Variants in KIRREL3 observed in about 807,000 individuals in gnomAD.
KIRREL3 encodes kin of IRRE-like protein 3.
Under a neutral mutation model 89.7 loss-of-function variants are expected in KIRREL3, and 36 were observed. The observed-to-expected ratio is 0.40, with a 90% confidence interval of 0.31 to 0.53. KIRREL3 has a LOEUF of 0.53. Among genes scored for constraint, KIRREL3 ranks in the 20% least tolerant of loss-of-function variants. The probability of loss-of-function intolerance (pLI) is 0.49; values close to 1 mark genes in which losing one functional copy is unlikely to be tolerated. For synonymous variants in KIRREL3, 445 were observed against 441.4 expected, an observed-to-expected ratio of 1.01 and a Z score of -0.10; for missense variants, 864 against 1,056.6, an observed-to-expected ratio of 0.82 and a Z score of 2.53.
In KIRREL3 at chr11:126,817,476, C is replaced by T. The variant is rs1161989158; in HGVS notation, c.55+182979G>A. Among the ~76,000 whole-genome samples, 1 of 152,132 alleles carries T rather than the reference C, an allele frequency of 6.6e-6. No homozygotes were observed. Among genetic ancestry groups the T allele is most frequent in the African/African-American group, 2.4e-5 (1 of 41,422 alleles). On this transcript the variant is annotated intron_variant, in intron 1 of 16. Coordinates refer to ENST00000525144, the MANE Select transcript of KIRREL3 (RefSeq NM_032531.4). The surrounding 1 kb of genome is among the most constrained non-coding windows in gnomAD (Gnocchi z 5.7). ...GGGATGGTTTAGCAATATCCTCAGG[C>T]TTCTACCTTCCCATTTCTCCCACCA...
In KIRREL3 at chr11:126,807,346, T is replaced by C. The variant is rs1456586991; in HGVS notation, c.55+193109A>G. On this transcript the variant is annotated intron_variant, in intron 1 of 16. Transcript: ENST00000525144. This position sits in a 1 kb window ranked among gnomAD's most constrained non-coding sequence, Gnocchi z 4.3. ...GCACATTTCCATGTGGTGGGAAAGA[T>C]GACAGGAGAAAGGACAAACCTGGGG... Among the ~76,000 whole-genome samples the C allele has an allele frequency of 6.6e-6, 1 of 152,214 alleles. No homozygotes were observed. Among genetic ancestry groups the C allele is most frequent in the African/African-American group, 2.4e-5 (1 of 41,476 alleles).
intron 1 of KIRREL3, among the ~76,000 whole-genome samples, chr11:126,762,063 A>G (rs1221854756): frequency 6.6e-6 from 1 of 152,014 alleles, no homozygotes; most frequent in Non-Finnish European, 1.5e-5. Context: ...ACTGGCTACC[A>G]CCAGTTGCAT....
At position 126,843,212 on chromosome 11, in the gene KIRREL3, C is replaced by G. The variant is rs1049946265; in HGVS notation, c.55+157243G>C. On this transcript the variant is annotated intron_variant, in intron 1 of 16. Transcript: ENST00000525144. The surrounding 1 kb of genome is among the most constrained non-coding windows in gnomAD (Gnocchi z 4.6). ...ATACGGTCTCTGAGCAAGACAAAAA[C>G]AAGAAAAAAACACTAATGGAAAACC... is the stretch of plus-strand genomic sequence containing the variant. 4.6e-5 allele frequency among the ~76,000 whole-genome samples: 7 copies of G among 152,056 alleles called. No homozygotes were observed. Among genetic ancestry groups the G allele is most frequent in the African/African-American group, 1.7e-4 (7 of 41,390 alleles).
Position 126,486,231 on chromosome 11 carries a change from G to T in KIRREL3, c.434-12765C>A, listed in dbSNP as rs191262041. 1.3e-5 allele frequency among the ~76,000 whole-genome samples: 2 copies of T among 152,120 alleles called. No individual in the cohort carries two copies. The highest frequency in any genetic ancestry group is 2.9e-5 in the Non-Finnish European group (2 of 68,010). On this transcript the variant is annotated intron_variant, in intron 4 of 16. Transcript: ENST00000525144. The surrounding 1 kb of genome is among the most constrained non-coding windows in gnomAD (Gnocchi z 6.2). ...AGATGACAGAGGGTGCTACGTGGCC[G>T]CCGTCTGCACAGCAAGGGTGAGAGG... is the stretch of plus-strand genomic sequence containing the variant.
At chr11:126,751,063 T>C (rs535012393) in intron 1 of KIRREL3, among the ~76,000 whole-genome samples, 1 of 152,334 alleles carries the variant, frequency 6.6e-6, no homozygotes, top group East Asian at 1.9e-4. Flanking sequence ...CAAATGTATT[T>C]TATCTTATGT....
intron 2 of KIRREL3, among the ~76,000 whole-genome samples, chr11:126,533,935 C>T (rs1298236846): frequency 5.3e-5 from 8 of 152,202 alleles, no homozygotes; most frequent in Admixed American, 5.2e-4. Context: ...AGGCCGCAGG[C>T]TGAGCTCCAT....
At position 126,812,273 on chromosome 11, in the gene KIRREL3, C is replaced by G. The variant is rs967527377; in HGVS notation, c.55+188182G>C. 3.3e-5 allele frequency among the ~76,000 whole-genome samples: 5 copies of G among 152,068 alleles called. No homozygotes were observed. Among genetic ancestry groups the G allele is most frequent in the African/African-American group, 1.2e-4 (5 of 41,396 alleles). On this transcript the variant is annotated intron_variant, in intron 1 of 16. Coordinates refer to ENST00000525144, the MANE Select transcript of KIRREL3 (RefSeq NM_032531.4). This position sits in a 1 kb window ranked among gnomAD's most constrained non-coding sequence, Gnocchi z 5.2. Reference sequence around the variant, plus strand: ...CTGTGTATATGGCAGGCACTCATTACTATTGTTTTGTAGATGTGGCTGGTG... The same window carrying G: ...CTGTGTATATGGCAGGCACTCATTAGTATTGTTTTGTAGATGTGGCTGGTG...
rs141484628 is a variant in KIRREL3 at position 126,995,294 on chromosome 11, C to T, written c.55+5161G>A. ...CTGCTGCAAGCGCCACCATTAAAGTCAAGATCACTGTGGTGGGGGGAGTTG... is the reference window on the plus strand; with the variant it reads ...CTGCTGCAAGCGCCACCATTAAAGTTAAGATCACTGTGGTGGGGGGAGTTG... On this transcript the variant is annotated intron_variant, in intron 1 of 16. Coordinates refer to ENST00000525144, the MANE Select transcript of KIRREL3 (RefSeq NM_032531.4). This position sits in a 1 kb window ranked among gnomAD's most constrained non-coding sequence, Gnocchi z 6.5. 6.6e-4 allele frequency: 299 copies of T among 456,214 alleles called. No individual in the cohort carries two copies. The highest frequency in any genetic ancestry group is 1.3e-3 in the Middle Eastern group (4 of 3,076). 28.3% of individuals were successfully genotyped at this position (456,214 alleles called of 1,614,324 possible). A position where few individuals can be genotyped will look rare whatever the true frequency, so the allele number is the denominator to read the frequency against.
intron 5 of KIRREL3, among the ~76,000 whole-genome samples, chr11:126,466,072 T>A (rs1479484937): frequency 6.6e-6 from 1 of 152,036 alleles, no homozygotes; most frequent in Non-Finnish European, 1.5e-5. Context: ...TGGGTGCCAG[T>A]GGCAGGGGAG....
rs1459212759 is a variant in KIRREL3 at position 126,666,546 on chromosome 11, G to T, written c.56-103634C>A. ...TTGAACAATAACCCATTTCCTTCAT[G>T]TAGAAACAATGAAGAAACATTTTTT... On this transcript the variant is annotated intron_variant, in intron 1 of 16. Transcript: ENST00000525144. The surrounding 1 kb of genome is among the most constrained non-coding windows in gnomAD (Gnocchi z 4.2). 6.6e-6 allele frequency among the ~76,000 whole-genome samples: 1 copy of T among 152,182 alleles called. No homozygotes were observed. The highest frequency in any genetic ancestry group is 2.4e-5 in the African/African-American group (1 of 41,452).
At chr11:126,586,951 A>G (rs1166327905) in intron 1 of KIRREL3, among the ~76,000 whole-genome samples, 1 of 152,170 alleles carries the variant, frequency 6.6e-6, no homozygotes, top group Non-Finnish European at 1.5e-5. Flanking sequence ...AAGGCTTGGG[A>G]TGGTGAATTC....
rs572910042 is a variant in KIRREL3 at position 126,527,674 on chromosome 11, T to C, written c.134-987A>G. 1.6e-4 allele frequency among the ~76,000 whole-genome samples: 24 copies of C among 152,222 alleles called. No individual in the cohort carries two copies. Among genetic ancestry groups the C allele is most frequent in the African/African-American group, 5.3e-4 (22 of 41,534 alleles). ...ACCGTGGCAACACTCGAATGGGGCATTGTCAACCCCATTTGACAGGACTTT... is the reference window on the plus strand; with the variant it reads ...ACCGTGGCAACACTCGAATGGGGCACTGTCAACCCCATTTGACAGGACTTT... On this transcript the variant is annotated intron_variant, in intron 2 of 16. Coordinates refer to ENST00000525144, the MANE Select transcript of KIRREL3 (RefSeq NM_032531.4). This position sits in a 1 kb window ranked among gnomAD's most constrained non-coding sequence, Gnocchi z 4.2.
chr11:126,623,005 G>A lies in KIRREL3; in HGVS notation c.56-60093C>T, dbSNP rs1433619573. On this transcript the variant is annotated intron_variant, in intron 1 of 16. Coordinates refer to ENST00000525144, the MANE Select transcript of KIRREL3 (RefSeq NM_032531.4). The surrounding 1 kb of genome is among the most constrained non-coding windows in gnomAD (Gnocchi z 4.1). ...TGGTAGACCGAGAATTCAAACCCAG[G>A]CAATCTGATGCTCAGAACCTAGACT... is the stretch of plus-strand genomic sequence containing the variant. Among the ~76,000 whole-genome samples, 1 of 152,122 alleles carries A rather than the reference G, an allele frequency of 6.6e-6. No individual in the cohort carries two copies. Among genetic ancestry groups the A allele is most frequent in the Non-Finnish European group, 1.5e-5 (1 of 68,028 alleles).
At chr11:126,678,599 C>CAGA (rs1946305046) in intron 1 of KIRREL3, among the ~76,000 whole-genome samples, 1 of 50,046 alleles carries the variant, frequency 2.0e-5, no homozygotes, top group South Asian at 1.1e-3. Flanking sequence ...GACTCTGTCT[C>CAGA]AAAAAAAAAA....
intron 2 of KIRREL3, among the ~76,000 whole-genome samples, chr11:126,542,874 G>T (rs1191451994): frequency 6.6e-6 from 1 of 152,198 alleles, no homozygotes. Flanking sequence ...AATTAAAAAA[G>T]TGATACTTCT....
intron 1 of KIRREL3, among the ~76,000 whole-genome samples, chr11:126,720,545 C>CA (rs1395826198): frequency 6.6e-6 from 1 of 152,060 alleles, no homozygotes; most frequent in Non-Finnish European, 1.5e-5. Context: ...TGAAAAATTG[C>CA]AAAAAACAAA....
chr11:126,825,186 C>A (rs1295717161), intron 1 of KIRREL3, among the ~76,000 whole-genome samples: 1 of 152,188 alleles, frequency 6.6e-6, no homozygotes, highest in East Asian at 1.9e-4. Flanking sequence ...GTATGTAGAC[C>A]AATCAAAACG....
intron 1 of KIRREL3, among the ~76,000 whole-genome samples, chr11:126,851,372 G>A (rs1944332972): frequency 6.6e-6 from 1 of 152,194 alleles, no homozygotes; most frequent in Admixed American, 6.5e-5. Flanking sequence ...ATATGTGACT[G>A]AGTCCATGCA....
rs968315701 is a variant in KIRREL3 at position 126,587,483 on chromosome 11, G to A, written c.56-24571C>T. Among the ~76,000 whole-genome samples the A allele has an allele frequency of 2.0e-5, 3 of 152,108 alleles. No homozygotes were observed. Among genetic ancestry groups the A allele is most frequent in the East Asian group, 1.9e-4 (1 of 5,176 alleles). On this transcript the variant is annotated intron_variant, in intron 1 of 16. Coordinates refer to ENST00000525144, the MANE Select transcript of KIRREL3 (RefSeq NM_032531.4). This position sits in a 1 kb window ranked among gnomAD's most constrained non-coding sequence, Gnocchi z 5.2. ...GCCATCACATTCCCAAACCCACAGC[G>A]CTTCCCTCTCACCAACCCTGTAGCC... is the stretch of plus-strand genomic sequence containing the variant.
Sources: allele counts gnomAD v4.1 joint callset (sites outside exome capture counted in the v4.1 genomes callset), GRCh38; gene constraint gnomAD v4.1.1; non-coding constraint Gnocchi (gnomAD v3.1); transcripts MANE v1.5; gene names NCBI Gene and HGNC (gene_info 2026-07-23, HGNC 2026-07-21).